DNAJB1: variants seen among roughly 807,000 people sequenced by gnomAD.
DNAJB1 encodes dnaJ homolog subfamily B member 1.
A neutral mutation model predicts 24.0 loss-of-function variants in DNAJB1; 14 were observed. That is an observed-to-expected ratio of 0.58 (90% CI 0.39 to 0.91). DNAJB1 has a LOEUF of 0.91. Among genes scored for constraint, DNAJB1 ranks in the 40% least tolerant of loss-of-function variants. DNAJB1 has a pLI of 0.00. For missense variants in DNAJB1, 517 were observed against 458.1 expected (o/e 1.13, Z -1.17); for synonymous variants, 262 against 174.4 (o/e 1.50, Z -3.96).
chr19:14,522,218 C>T (rs751207014), upstream of DNAJB1, among the ~76,000 whole-genome samples: 12 of 151,962 alleles, frequency 7.9e-5, no homozygotes, highest in South Asian at 2.1e-4. Flanking sequence ...TATGTTGATG[C>T]GGTTAGGTTA....
intron 1 of DNAJB1, among the ~76,000 whole-genome samples, chr19:14,548,294 T>C (rs1375592299): frequency 6.6e-6 from 1 of 152,058 alleles, no homozygotes; most frequent in Non-Finnish European, 1.5e-5. Flanking sequence ...ATGTCCAAAA[T>C]GGAGCTTCTG....
intron 1 of DNAJB1, among the ~76,000 whole-genome samples, chr19:14,548,410 A>T (rs190937887): frequency 2.2e-4 from 33 of 152,208 alleles, no homozygotes; most frequent in African/African-American, 7.9e-4. Context: ...CTCATGCCTC[A>T]TGTCCAAATG....
chr19:14,559,856 C>T (rs2073851545), intron 1 of DNAJB1, among the ~76,000 whole-genome samples: 1 of 152,162 alleles, frequency 6.6e-6, no homozygotes, highest in Non-Finnish European at 1.5e-5. Context: ...CTGCTCCCCC[C>T]AGAGCCTTTC....
chr19:14,517,192 C>T (rs1375989278), intron 1 of DNAJB1, 146 bp from the exon 2 acceptor site: 2 of 730,226 alleles, frequency 2.7e-6, no homozygotes, highest in African/African-American at 3.6e-5. Context: ...CAAGTTTCTA[C>T]CTCTCACTGC....
upstream of DNAJB1, among the ~76,000 whole-genome samples, chr19:14,553,042 A>G (rs945194030): frequency 1.1e-4 from 16 of 152,138 alleles, no homozygotes; most frequent in African/African-American, 3.9e-4. Flanking sequence ...AATGGGGGGC[A>G]GGCCCAGGGC....
Position 14,514,866 on chromosome 19 carries a change from G to A in DNAJB1, c.*1074C>T, listed in dbSNP as rs543300755. 115 of 152,726 alleles carry A rather than the reference G, an allele frequency of 7.5e-4. No homozygotes were observed. Among genetic ancestry groups the A allele is most frequent in the African/African-American group, 2.7e-3 (113 of 41,526 alleles). The allele number at this position is 152,726 out of a possible 1,614,324, so 9.5% of individuals were successfully genotyped here. On this transcript the variant is annotated 3_prime_UTR_variant, in exon 3 of 3. Coordinates refer to ENST00000254322, the MANE Select transcript of DNAJB1 (RefSeq NM_006145.3). ...GTGGCAACTTACAATGAGTCTAAAG[G>A]TCTGAGCACTGGACTGGCCTCCAGG...
At chr19:14,522,697 C>CACAG (rs1568383666), upstream of DNAJB1, among the ~76,000 whole-genome samples, 1 of 149,922 alleles carries the variant, frequency 6.7e-6, no homozygotes, top group African/African-American at 2.4e-5. Context: ...CACACACACA[C>CACAG]ACACACACAC....
intron 1 of DNAJB1, among the ~76,000 whole-genome samples, chr19:14,528,661 C>T (rs2072495583): frequency 6.6e-6 from 1 of 151,062 alleles, no homozygotes; most frequent in Admixed American, 6.6e-5. Context: ...GGAGGGGGGC[C>T]GGGCGGGGTG....
At chr19:14,532,939 G>A (rs889977269), upstream of DNAJB1, among the ~76,000 whole-genome samples, 6 of 151,706 alleles carry the variant, frequency 4.0e-5, no homozygotes, top group African/African-American at 9.7e-5. Flanking sequence ...GTGAAACCTC[G>A]TCTCTACTAA....
chr19:14,530,810 T>A (rs2072614941), upstream of DNAJB1: 1 of 152,210 alleles, frequency 6.6e-6, no homozygotes, highest in Admixed American at 6.5e-5. Context: ...ATCTTGACTA[T>A]TTTTAAGTGT....
At chr19:14,550,427 C>T (rs1047736361), upstream of DNAJB1, among the ~76,000 whole-genome samples, 3 of 152,062 alleles carry the variant, frequency 2.0e-5, no homozygotes, top group Non-Finnish European at 4.4e-5. Flanking sequence ...CGGATGAGCT[C>T]CTCCTGCTCC....
At chr19:14,529,991 C>T (rs937829103), upstream of DNAJB1, 6 of 549,964 alleles carry the variant, frequency 1.1e-5, no homozygotes, top group Non-Finnish European at 2.0e-5. Flanking sequence ...GCAGCTCCCC[C>T]AGCGGGCTGA....
chr19:14,516,666 G>C lies in DNAJB1; in HGVS notation c.592C>G (p.Arg198Gly). Residue 198 changes from arginine to glycine, a missense_variant, in exon 2 of 3, where the codon CGA (arginine) becomes GGA (glycine). Physicochemically the swap from Arg to Gly is moderately radical, Grantham distance 125. Transcript: ENST00000254322. ...KRLNPDGKSIRNEDKILTIEV... is the reference protein window; with the variant it reads ...KRLNPDGKSIGNEDKILTIEV... ...ATGGTCAATATTTTGTCTTCGTTTC[G>C]AATGCTCTTTCCGTCGGGGTTTAGC... 2 of 1,614,064 alleles carry C rather than the reference G, an allele frequency of 1.2e-6. No individual in the cohort carries two copies. The highest frequency in any genetic ancestry group is 1.1e-5 in the South Asian group (1 of 91,070).
intron 1 of DNAJB1, among the ~76,000 whole-genome samples, chr19:14,555,438 C>CTTTTTTTTTT (rs747503834): frequency 5.4e-5 from 5 of 92,882 alleles, no homozygotes; most frequent in African/African-American, 2.3e-4. Context: ...TTTATTTATT[C>CTTTTTTTTTT]TTTTTTTTTT....
chr19:14,522,126 G>A (rs2072367300), upstream of DNAJB1, among the ~76,000 whole-genome samples: 1 of 152,164 alleles, frequency 6.6e-6, no homozygotes, highest in Non-Finnish European at 1.5e-5. Flanking sequence ...AGCTGTTATA[G>A]TTGTTTGTTG....
chr19:14,517,928 A>C (rs900912070), intron 1 of DNAJB1: 78 of 433,970 alleles, frequency 1.8e-4, no homozygotes, highest in Non-Finnish European at 2.4e-4. Flanking sequence ...CAGACATGCT[A>C]GAAGCTTCTG....
At chr19:14,524,095 G>T (rs2072391845) in intron 2 of DNAJB1, among the ~76,000 whole-genome samples, 1 of 152,158 alleles carries the variant, frequency 6.6e-6, no homozygotes, top group Non-Finnish European at 1.5e-5. Flanking sequence ...GTCACCCAGA[G>T]AGTAAAATGC....
chr19:14,529,879 C>A, upstream of DNAJB1: 2 of 895,020 alleles, frequency 2.2e-6, no homozygotes, highest in East Asian at 2.6e-5. Flanking sequence ...AATTCCAATG[C>A]GCATGTGCGC....
intron 1 of DNAJB1, among the ~76,000 whole-genome samples, chr19:14,557,844 C>T (rs1027118866): frequency 1.3e-5 from 2 of 152,004 alleles, no homozygotes; most frequent in African/African-American, 4.8e-5. Flanking sequence ...CAAGCTCTGC[C>T]TCCCGGGTTC....
Sources: gnomAD v4.1 joint callset for allele counts (sites outside exome capture counted in the v4.1 genomes callset) on GRCh38, gnomAD v4.1.1 for gene constraint, MANE v1.5 for transcripts, NCBI Gene and HGNC (gene_info 2026-07-23, HGNC 2026-07-21) for gene names.